Variants in EFEMP1 observed in about 807,000 individuals in gnomAD.
The protein encoded by EFEMP1 is EGF-containing fibulin-like extracellular matrix protein 1.
Under a neutral mutation model 65.7 loss-of-function variants are expected in EFEMP1, and 18 were observed. The observed-to-expected ratio is 0.27, with a 90% CI of 0.19 to 0.41. The LOEUF (loss-of-function observed/expected upper bound fraction) is 0.41, where lower values mean the gene tolerates loss of function less well. Among genes scored for constraint, EFEMP1 ranks in the 10% least tolerant of loss-of-function variants. The pLI is 1.00. For synonymous variants in EFEMP1, 237 were observed against 219.7 expected (o/e 1.08, Z -0.70); for missense variants, 469 against 624.8 (o/e 0.75, Z 2.66).
intron 5 of EFEMP1, among the ~76,000 whole-genome samples, chr2:55,902,103 G>T (rs1670060672): frequency 6.6e-6 from 1 of 152,214 alleles, no homozygotes; most frequent in Admixed American, 6.5e-5. Context: ...GCCACAACTT[G>T]ATTCCTGACC....
chr2:55,913,136 T>C (rs1412729817), intron 5 of EFEMP1, among the ~76,000 whole-genome samples: 1 of 152,196 alleles, frequency 6.6e-6, no homozygotes, highest in African/African-American at 2.4e-5. Context: ...AAAATGGCTC[T>C]AACGTTAGGA....
At chr2:55,912,377 T>C (rs1670509132) in intron 5 of EFEMP1, among the ~76,000 whole-genome samples, 1 of 152,212 alleles carries the variant, frequency 6.6e-6, no homozygotes, top group Admixed American at 6.5e-5. Context: ...GCCAGGTATC[T>C]AAGCCACTTG....
rs1669096845 is a variant in EFEMP1 at position 55,877,879 on chromosome 2, C to T, written c.641-14G>A. The T allele has an allele frequency of 6.2e-7, 1 of 1,612,542 alleles. No individual in the cohort carries two copies. The highest frequency in any genetic ancestry group is 1.7e-5 in the Admixed American group (1 of 59,950). On this transcript the variant is annotated splice_polypyrimidine_tract_variant and intron_variant, in intron 6 of 11. Transcript: ENST00000355426. The surrounding 1 kb of genome is among the most constrained non-coding windows in gnomAD (Gnocchi z 4.5). ...ATTCATCTATGTCTAGGTTATCAGG[C>T]ACACACACAAAGAGAACCAAATTAT...
intron 5 of EFEMP1, among the ~76,000 whole-genome samples, chr2:55,899,720 C>T (rs1669961522): frequency 6.6e-6 from 1 of 152,124 alleles, no homozygotes; most frequent in African/African-American, 2.4e-5. Context: ...ACCACCTGGC[C>T]ACACCATATC....
Position 55,873,048 on chromosome 2 carries a change from GTCTC to G in EFEMP1, c.1000+1894_1000+1897del, listed in dbSNP as rs963201128. 8.2e-6 allele frequency among the ~76,000 whole-genome samples: 1 copy of G among 121,226 alleles called. No homozygotes were observed. Among genetic ancestry groups the G allele is most frequent in the African/African-American group, 3.2e-5 (1 of 30,784 alleles). The allele number at this position is 121,226 out of a possible 152,430, so 79.5% of individuals were successfully genotyped here. A position where few individuals can be genotyped will look rare whatever the true frequency, so the allele number is the denominator to read the frequency against. ...TGTCTATGTGTATGTGTATTCTTTT[GTCTC>G]TCTGTCTCTCTCTCCACACACACAC... On this transcript the variant is annotated intron_variant, in intron 9 of 11. Coordinates refer to ENST00000355426, the MANE Select transcript of EFEMP1 (RefSeq NM_001039348.3). This position sits in a 1 kb window ranked among gnomAD's most constrained non-coding sequence, Gnocchi z 4.6.
At chr2:55,888,334 C>CTTTTTTTT (rs71713705) in intron 5 of EFEMP1, among the ~76,000 whole-genome samples, 8 of 114,304 alleles carry the variant, frequency 7.0e-5, no homozygotes, top group South Asian at 2.8e-4. Flanking sequence ...CCTTCTTAAA[C>CTTTTTTTT]TTTTTTTTTT....
chr2:55,903,141 A>G (rs907914703), intron 5 of EFEMP1, among the ~76,000 whole-genome samples: 6 of 152,300 alleles, frequency 3.9e-5, no homozygotes, highest in African/African-American at 1.4e-4. Context: ...GGTTTCCACC[A>G]CCCTTTGCTG....
intron 8 of EFEMP1, among the ~76,000 whole-genome samples, chr2:55,876,245 C>G (rs1378786141): frequency 6.6e-6 from 1 of 152,014 alleles, no homozygotes. Context: ...GCACACCAGT[C>G]ACCTGCAGTT....
intron 5 of EFEMP1, among the ~76,000 whole-genome samples, chr2:55,889,028 G>A (rs1334470175): frequency 6.6e-6 from 1 of 152,186 alleles, no homozygotes; most frequent in Admixed American, 6.5e-5. Context: ...ATTCAACTGA[G>A]TCTACCAAGC....
At chr2:55,913,157 C>G (rs927534689) in intron 5 of EFEMP1, among the ~76,000 whole-genome samples, 1 of 152,130 alleles carries the variant, frequency 6.6e-6, no homozygotes. Context: ...CTTCTTCACT[C>G]TTGTCTGTGA....
intron 5 of EFEMP1, among the ~76,000 whole-genome samples, chr2:55,903,806 C>T (rs141437459): frequency 1.3e-5 from 2 of 152,114 alleles, no homozygotes; most frequent in South Asian, 2.1e-4. Context: ...TATATGTATA[C>T]ATACATATAT....
At chr2:55,897,883 T>C (rs1221841414) in intron 5 of EFEMP1, among the ~76,000 whole-genome samples, 5 of 152,170 alleles carry the variant, frequency 3.3e-5, no homozygotes, top group African/African-American at 1.2e-4. Context: ...GGTTGTGGGG[T>C]AGAATGGGCC....
At chr2:55,890,535 A>T (rs1225808688) in intron 5 of EFEMP1, among the ~76,000 whole-genome samples, 1 of 152,126 alleles carries the variant, frequency 6.6e-6, no homozygotes, top group Admixed American at 6.5e-5. Context: ...ATTAAAAGAA[A>T]ATGGCTATAT....
intron 5 of EFEMP1, among the ~76,000 whole-genome samples, chr2:55,910,897 A>G (rs2104442237): frequency 6.6e-6 from 1 of 152,272 alleles, no homozygotes; most frequent in South Asian, 2.1e-4. Flanking sequence ...TCAAAGTCAG[A>G]GTCAATCTCC....
chr2:55,892,222 G>C (rs1013170743), intron 5 of EFEMP1, among the ~76,000 whole-genome samples: 3 of 152,022 alleles, frequency 2.0e-5, no homozygotes, highest in Non-Finnish European at 4.4e-5. Context: ...ATTTCCATTG[G>C]GGACAGAAAT....
At chr2:55,895,544 CT>C (rs11439731) in intron 5 of EFEMP1, among the ~76,000 whole-genome samples, 186 of 138,500 alleles carry the variant, frequency 1.3e-3, no homozygotes, top group Admixed American at 1.4e-3. Flanking sequence ...CACAAATTAT[CT>C]TTTTTTTTTT....
intron 5 of EFEMP1, among the ~76,000 whole-genome samples, chr2:55,907,826 A>T (rs1670338538): frequency 6.6e-6 from 1 of 152,220 alleles, no homozygotes; most frequent in Non-Finnish European, 1.5e-5. Context: ...GGCTGTTTAG[A>T]GTGAAAACTT....
chr2:55,875,149 A>G lies in EFEMP1; in HGVS notation c.881-84T>C, dbSNP rs538928162. 9.6e-4 allele frequency: 456 copies of G among 476,836 alleles called. 5 individuals carry two copies. Among genetic ancestry groups the G allele is most frequent in the Non-Finnish European group, 1.3e-3 (427 of 330,550 alleles). 29.5% of individuals were successfully genotyped at this position (476,836 alleles called of 1,614,324 possible). A position where few individuals can be genotyped will look rare whatever the true frequency, so the allele number is the denominator to read the frequency against. ...GGATATATATATATATATAAATTAT[A>G]TATATATATAAATTATAAGATTTAA... On this transcript the variant is annotated intron_variant, in intron 8 of 11. Coordinates refer to ENST00000355426, the MANE Select transcript of EFEMP1 (RefSeq NM_001039348.3).
chr2:55,884,221 T>A (rs1402741930), intron 5 of EFEMP1, among the ~76,000 whole-genome samples: 1 of 152,212 alleles, frequency 6.6e-6, no homozygotes, highest in African/African-American at 2.4e-5. Flanking sequence ...TACGTTAATG[T>A]CAATTTATTA....
Sources: gnomAD v4.1 joint callset for allele counts (sites outside exome capture counted in the v4.1 genomes callset) on GRCh38, gnomAD v4.1.1 for gene constraint, Gnocchi (gnomAD v3.1) non-coding constraint, MANE v1.5 for transcripts, NCBI Gene and HGNC (gene_info 2026-07-23, HGNC 2026-07-21) for gene names.